The following PHACTR3 variants were observed in gnomAD, a reference collection of about 807,000 sequenced individuals.
The protein encoded by PHACTR3 is phosphatase and actin regulator 3, also known as protein phosphatase 1, regulatory subunit 123.
Under a neutral mutation model 66.8 loss-of-function variants are expected in PHACTR3, and 16 were observed. That is an observed-to-expected ratio of 0.24 (90% CI 0.16 to 0.36). PHACTR3 has a LOEUF of 0.36. PHACTR3 is among the 10% of genes least tolerant of loss of function. PHACTR3 has a pLI of 1.00. For missense variants in PHACTR3, 647 were observed against 719.9 expected (o/e 0.90, Z 1.16); for synonymous variants, 323 against 292.1 (o/e 1.11, Z -1.08).
At chr20:59,785,864 TC>T (rs1177189418) in intron 7 of PHACTR3, among the ~76,000 whole-genome samples, 2 of 148,882 alleles carry the variant, frequency 1.3e-5, no homozygotes, top group African/African-American at 2.6e-5. Flanking sequence ...ATCCCCTGCT[TC>T]TGCATCCCCT....
intron 1 of PHACTR3, among the ~76,000 whole-genome samples, chr20:59,620,673 C>A (rs1176440650): frequency 6.6e-6 from 1 of 152,212 alleles, no homozygotes; most frequent in Non-Finnish European, 1.5e-5. Context: ...GGTTGCTCAG[C>A]CAGGTGCCTC....
intron 1 of PHACTR3, among the ~76,000 whole-genome samples, chr20:59,585,654 C>G (rs894398477): frequency 6.6e-6 from 1 of 152,202 alleles, no homozygotes; most frequent in Non-Finnish European, 1.5e-5. Context: ...TGGCACCTAG[C>G]AGGTGTGCTG....
chr20:59,846,446 T>C (rs193223979), intron 12 of PHACTR3, among the ~76,000 whole-genome samples: 2 of 152,288 alleles, frequency 1.3e-5, no homozygotes, highest in East Asian at 3.9e-4. Context: ...TATGGAGGAA[T>C]AGGTCATATG....
intron 1 of PHACTR3, among the ~76,000 whole-genome samples, chr20:59,639,337 C>T (rs1178300847): frequency 1.3e-5 from 2 of 152,150 alleles, no homozygotes; most frequent in South Asian, 4.1e-4. Flanking sequence ...GAGAAAGGAG[C>T]ACCTGCAGGA....
intron 1 of PHACTR3, among the ~76,000 whole-genome samples, chr20:59,647,883 C>T (rs2035337990): frequency 6.6e-6 from 1 of 152,184 alleles, no homozygotes. Flanking sequence ...GGATTTTGCA[C>T]TGTTTTATTT....
At chr20:59,722,100 C>T (rs772490583) in intron 1 of PHACTR3, among the ~76,000 whole-genome samples, 18 of 152,032 alleles carry the variant, frequency 1.2e-4, no homozygotes, top group African/African-American at 3.4e-4. Flanking sequence ...GGTGTGGTGG[C>T]GGGCACCTGT....
intron 1 of PHACTR3, among the ~76,000 whole-genome samples, chr20:59,718,663 C>G (rs2038182773): frequency 6.6e-6 from 1 of 152,048 alleles, no homozygotes; most frequent in Admixed American, 6.5e-5. Flanking sequence ...TTAAGGTGAC[C>G]TGTTTGAAAT....
chr20:59,710,237 A>G (rs930397818), intron 1 of PHACTR3, among the ~76,000 whole-genome samples: 3 of 152,234 alleles, frequency 2.0e-5, no homozygotes, highest in African/African-American at 4.8e-5. Context: ...ATAAACAAGA[A>G]TGGAAAAGAT....
intron 1 of PHACTR3, among the ~76,000 whole-genome samples, chr20:59,727,564 C>T (rs1302176661): frequency 6.6e-6 from 1 of 152,046 alleles, no homozygotes; most frequent in African/African-American, 2.4e-5. Context: ...TGAGAATTCA[C>T]GGTCCCTGGG....
intron 5 of PHACTR3, 102 bp from the exon 6 acceptor site, chr20:59,773,177 T>A: frequency 7.4e-7 from 1 of 1,342,848 alleles, no homozygotes; most frequent in Non-Finnish European, 1.0e-6. Context: ...CTCCTGGAGG[T>A]GCAGGGGAGC....
intron 1 of PHACTR3, among the ~76,000 whole-genome samples, chr20:59,722,829 G>T (rs956521450): frequency 6.6e-6 from 1 of 151,992 alleles, no homozygotes; most frequent in East Asian, 1.9e-4. Context: ...GCTCACGGTG[G>T]GGGCATGGGG....
At chr20:59,709,905 A>G (rs1237684552) in intron 1 of PHACTR3, among the ~76,000 whole-genome samples, 2 of 152,110 alleles carry the variant, frequency 1.3e-5, no homozygotes, top group African/African-American at 4.8e-5. Context: ...TCTGAAGTGC[A>G]GCTTATAGGC....
chr20:59,713,745 C>CT (rs962777834), intron 1 of PHACTR3, among the ~76,000 whole-genome samples: 7,283 of 143,884 alleles, frequency 0.051, 536 homozygotes, highest in African/African-American at 0.17. Flanking sequence ...TTGTCTTTTG[C>CT]TTTTTTTTTT....
chr20:59,652,940 A>G (rs1208297258), intron 1 of PHACTR3, among the ~76,000 whole-genome samples: 2 of 152,204 alleles, frequency 1.3e-5, no homozygotes, highest in Non-Finnish European at 2.9e-5. Flanking sequence ...ATTGTTTAAA[A>G]TAAATGCTGG....
intron 1 of PHACTR3, among the ~76,000 whole-genome samples, chr20:59,606,192 C>T (rs1568929285): frequency 1.3e-5 from 2 of 152,042 alleles, no homozygotes; most frequent in Non-Finnish European, 1.5e-5. Context: ...CCCTGGGGCC[C>T]GGGTGAAGGC....
chr20:59,620,944 G>C (rs904619731), intron 1 of PHACTR3, among the ~76,000 whole-genome samples: 1 of 152,196 alleles, frequency 6.6e-6, no homozygotes, highest in Non-Finnish European at 1.5e-5. Context: ...ACTTACACTA[G>C]TGTGGACGCC....
In PHACTR3 at chr20:59,767,378, C is replaced by T. The variant is rs1037299233; in HGVS notation, c.734C>T (p.Thr245Ile). 6.2e-7 allele frequency: 1 copy of T among 1,613,818 alleles called. No individual in the cohort carries two copies. The highest frequency in any genetic ancestry group is 1.3e-5 in the African/African-American group (1 of 75,042). The change falls in exon 5 of 13, where the codon ACC becomes ATC. Residue 245 changes from threonine to isoleucine, a missense_variant. Thr to Ile is a moderately conservative substitution (Grantham distance 89). This residue lies in a region of PHACTR3 where 577 missense variants were observed against 571.1 expected (regional missense o/e 1.01). Coordinates refer to ENST00000371015, the MANE Select transcript of PHACTR3 (RefSeq NM_080672.5). Reference protein sequence around the residue: ...PTPPPKASSKTTKNVTGQATL... With the variant: ...PTPPPKASSKITKNVTGQATL... Reference sequence around the variant, plus strand: ...CCGCCACCCAAGGCAAGCTCCAAAACCACAAAAAATGTCACAGGTGGGTCC... The same window carrying T: ...CCGCCACCCAAGGCAAGCTCCAAAATCACAAAAAATGTCACAGGTGGGTCC...
In PHACTR3 at chr20:59,682,581, A is replaced by G. The variant is rs112198492; in HGVS notation, c.119-60526A>G. The stretch of plus-strand genomic sequence containing the variant: ...GGAAATGAACAGGAGAAGTAGGGGG[A>G]GGTAAGAGAAGGTATAAATGTGGTA... On this transcript the variant is annotated intron_variant, in intron 1 of 12. Coordinates refer to ENST00000371015, the MANE Select transcript of PHACTR3 (RefSeq NM_080672.5). Among the ~76,000 whole-genome samples, 1,129 of 152,160 alleles carry G rather than the reference A, an allele frequency of 7.4e-3. 9 individuals are homozygous for G. Among genetic ancestry groups the G allele is most frequent in the Non-Finnish European group, 0.011 (768 of 68,010 alleles).
intron 1 of PHACTR3, among the ~76,000 whole-genome samples, chr20:59,627,943 A>G (rs769428644): frequency 6.6e-6 from 1 of 152,064 alleles, no homozygotes; most frequent in Non-Finnish European, 1.5e-5. Flanking sequence ...ACCATTATCT[A>G]TCAATCTGTG....
Sources: allele counts gnomAD v4.1 joint callset (sites outside exome capture counted in the v4.1 genomes callset), GRCh38; gene constraint gnomAD v4.1.1; regional missense constraint gnomAD v4.1.1; transcripts MANE v1.5; gene names NCBI Gene and HGNC (gene_info 2026-07-23, HGNC 2026-07-21).